The following ZFHX3 variants were observed in gnomAD, a reference collection of about 807,000 sequenced individuals.
ZFHX3 encodes the protein zinc finger homeobox protein 3.
ZFHX3 carries 42 observed loss-of-function variants against 279.1 expected under a neutral mutation model. The ratio of observed to expected loss-of-function variants is 0.15; its 90% CI spans 0.12 to 0.19. The LOEUF is 0.19. ZFHX3 is among the 10% of genes least tolerant of loss of function. The probability of loss-of-function intolerance (pLI) is 1.00; values close to 1 mark genes in which losing one functional copy is unlikely to be tolerated. For missense variants in ZFHX3, 4,981 were observed against 4,754.0 expected (o/e 1.05, Z -1.40); for synonymous variants, 2,293 against 1,957.8 (o/e 1.17, Z -4.52).
At chr16:73,500,043 T>C (rs895453346) in intron 2 of ZFHX3, 1 of 152,244 alleles carries the variant, frequency 6.6e-6, no homozygotes, top group African/African-American at 2.4e-5. Context: ...GATTTACGTA[T>C]TTACTATAAC....
At chr16:73,554,987 C>T (rs2020253409) in intron 2 of ZFHX3, among the ~76,000 whole-genome samples, 2 of 152,124 alleles carry the variant, frequency 1.3e-5, no homozygotes, top group Non-Finnish European at 2.9e-5. Flanking sequence ...CAGCATCTTT[C>T]CCACCCAATG....
At chr16:73,100,757 C>G (rs927354752) in intron 7 of ZFHX3, among the ~76,000 whole-genome samples, 1 of 152,052 alleles carries the variant, frequency 6.6e-6, no homozygotes, top group Non-Finnish European at 1.5e-5. Context: ...ACCATCACGC[C>G]TGGCTAATTT....
At chr16:73,762,077 T>C (rs1225810076) in intron 1 of ZFHX3, among the ~76,000 whole-genome samples, 2 of 151,792 alleles carry the variant, frequency 1.3e-5, no homozygotes, top group Admixed American at 6.6e-5. Flanking sequence ...TTTTGCAATG[T>C]ATCCATCTGA....
In ZFHX3 at chr16:73,503,141, G is replaced by A. The variant is rs371771362; in HGVS notation, c.-1546-46883C>T. On this transcript the variant is annotated intron_variant, in intron 2 of 17. Coordinates refer to the ZFHX3 transcript ENST00000641206. ...GAGTCAGCATTCACACCACACGATC[G>A]GTGGCCTGTGGATATCCACAATTTC... Among the ~76,000 whole-genome samples the A allele has an allele frequency of 4.3e-4, 65 of 152,326 alleles. No homozygotes were observed. In the South Asian group the frequency reaches 0.012, roughly 27 times the overall value.
chr16:73,876,058 G>A (rs760406621), intron 1 of ZFHX3, among the ~76,000 whole-genome samples: 3 of 152,122 alleles, frequency 2.0e-5, no homozygotes, highest in African/African-American at 4.8e-5. Context: ...ACCCCAAACC[G>A]TCCAGTGTCT....
chr16:72,900,762 A>G (rs552798550), intron 3 of ZFHX3, among the ~76,000 whole-genome samples: 1 of 152,322 alleles, frequency 6.6e-6, no homozygotes, highest in Admixed American at 6.5e-5. Context: ...AGCCCCAAGA[A>G]TCTGCATTTC....
intron 1 of ZFHX3, among the ~76,000 whole-genome samples, chr16:73,751,606 A>AT (rs35784475): frequency 6.6e-6 from 1 of 152,196 alleles, no homozygotes; most frequent in Non-Finnish European, 1.5e-5. Context: ...TTTAAGTAAC[A>AT]TTTTTTAAAT....
At chr16:73,837,000 G>A (rs1250070591) in intron 1 of ZFHX3, among the ~76,000 whole-genome samples, 1 of 152,202 alleles carries the variant, frequency 6.6e-6, no homozygotes, top group Non-Finnish European at 1.5e-5. Flanking sequence ...AGCAGATGCT[G>A]ATGCCATGGT....
At chr16:73,348,701 C>A (rs767961139) in intron 3 of ZFHX3, among the ~76,000 whole-genome samples, 2 of 152,236 alleles carry the variant, frequency 1.3e-5, no homozygotes, top group Non-Finnish European at 2.9e-5. Flanking sequence ...GTTCTTTGCA[C>A]TGAACCCTTG....
At chr16:73,591,642 G>A (rs1271567627) in intron 2 of ZFHX3, among the ~76,000 whole-genome samples, 1 of 126,762 alleles carries the variant, frequency 7.9e-6, no homozygotes, top group Non-Finnish European at 1.6e-5. Context: ...GCAGTGAGCT[G>A]AGATCATGCC....
At chr16:73,307,850 A>G (rs1321005944) in intron 4 of ZFHX3, among the ~76,000 whole-genome samples, 1 of 152,154 alleles carries the variant, frequency 6.6e-6, no homozygotes, top group Admixed American at 6.5e-5. Context: ...AGATTAAATG[A>G]ACTGTGGGAT....
chr16:73,454,521 G>A (rs1474108580), intron 3 of ZFHX3, among the ~76,000 whole-genome samples: 3 of 150,774 alleles, frequency 2.0e-5, no homozygotes, highest in African/African-American at 7.3e-5. Flanking sequence ...ATTTGACTTA[G>A]GTTAGTTAGC....
Position 72,788,021 on chromosome 16 carries a change from G to C in ZFHX3, c.10255C>G (p.Pro3419Ala). 1 of 1,613,290 alleles carries C rather than the reference G, an allele frequency of 6.2e-7. No homozygotes were observed. The highest frequency in any genetic ancestry group is 1.3e-5 in the African/African-American group (1 of 74,990). The stretch of plus-strand genomic sequence containing the variant: ...GTGTTTTTCTGTTCTTCTGGTTTGG[G>C]GGATTCTTTGGCAGGGTCTTTGTCT... ...SPDKDPAKES[P>A]KPEEQKNTPR... Residue 3419 changes from proline to alanine, a missense_variant, in exon 10 of 10, where the codon CCC (proline) becomes GCC (alanine). Physicochemically the swap from Pro to Ala is conservative, Grantham distance 27. Transcript: ENST00000268489.
intron 4 of ZFHX3, among the ~76,000 whole-genome samples, chr16:73,281,817 GAACA>G (rs2014464583): frequency 6.6e-6 from 1 of 151,952 alleles, no homozygotes; most frequent in Non-Finnish European, 1.5e-5. Context: ...TAAGAAAAAC[GAACA>G]AACAAAAGGC....
At chr16:73,393,161 C>T (rs1473317801) in intron 3 of ZFHX3, among the ~76,000 whole-genome samples, 1 of 152,194 alleles carries the variant, frequency 6.6e-6, no homozygotes, top group Non-Finnish European at 1.5e-5. Context: ...TGGCTCACAG[C>T]TCAGCATGGC....
At chr16:73,155,706 C>T (rs13339213) in intron 5 of ZFHX3, among the ~76,000 whole-genome samples, 6 of 151,956 alleles carry the variant, frequency 3.9e-5, no homozygotes, top group Admixed American at 2.0e-4. Flanking sequence ...GCATGTAACC[C>T]CAGCTACTCG....
intron 1 of ZFHX3, among the ~76,000 whole-genome samples, chr16:73,688,433 G>T (rs946440035): frequency 6.6e-6 from 1 of 151,950 alleles, no homozygotes; most frequent in South Asian, 2.1e-4. Flanking sequence ...ATTGAGAGGT[G>T]ATTAGGTCAT....
At chr16:73,218,129 T>G (rs938858591) in intron 5 of ZFHX3, among the ~76,000 whole-genome samples, 3 of 152,118 alleles carry the variant, frequency 2.0e-5, no homozygotes, top group Non-Finnish European at 4.4e-5. Context: ...TCCTGCAGAA[T>G]GGAGCCCAGT....
At chr16:73,649,817 C>T (rs1236557056) in intron 2 of ZFHX3, among the ~76,000 whole-genome samples, 2 of 152,076 alleles carry the variant, frequency 1.3e-5, no homozygotes, top group African/African-American at 4.8e-5. Flanking sequence ...AGCAATAATT[C>T]ATAAGAGTCC....
Sources: gnomAD v4.1 joint callset for allele counts (sites outside exome capture counted in the v4.1 genomes callset) on GRCh38, gnomAD v4.1.1 for gene constraint, MANE v1.5 for transcripts, NCBI Gene and HGNC (gene_info 2026-07-23, HGNC 2026-07-21) for gene names.